ZNF605: variants seen among roughly 807,000 people sequenced by gnomAD.
The protein encoded by ZNF605 is zinc finger protein 605.
ZNF605 carries 9 observed loss-of-function variants against 7.9 expected under a neutral mutation model. The ratio of observed to expected loss-of-function variants is 1.14; its 90% CI spans 0.68 to 1.98. The LOEUF (loss-of-function observed/expected upper bound fraction) is 1.98. Among genes scored for constraint, ZNF605 ranks in the 30% most tolerant of loss-of-function variants. The pLI is 0.00. For missense variants in ZNF605, 673 were observed against 762.4 expected, an observed-to-expected ratio of 0.88 and a Z score of 1.38; for synonymous variants, 255 against 260.1, an observed-to-expected ratio of 0.98 and a Z score of 0.19.
At chr12:132,954,208 T>A (rs1299438106) in intron 1 of ZNF605, among the ~76,000 whole-genome samples, 1 of 150,146 alleles carries the variant, frequency 6.7e-6, no homozygotes, top group African/African-American at 2.5e-5. Context: ...ACAGGGCTTT[T>A]AAATACAGAT....
rs1952248513 is a variant in ZNF605, at chr12:132,926,438, C to T, written c.861G>A (p.Gly287=). ...IEKPYSCSEC[G]KAFSQKLKLI... Reference sequence around the variant, plus strand: ...GTTTTAATTTCTGGGAGAATGCTTTCCCACACTCACTGCAACTGTAGGGTT... The same window carrying T: ...GTTTTAATTTCTGGGAGAATGCTTTTCCACACTCACTGCAACTGTAGGGTT... Residue 287 remains glycine (G), a synonymous_variant, in exon 5 of 5, where the codon GGG becomes GGA. Coordinates refer to ENST00000360187, the MANE Select transcript of ZNF605 (RefSeq NM_183238.4). The T allele has an allele frequency of 3.1e-6, 5 of 1,614,042 alleles. No homozygotes were observed. The South Asian group carries it at 5.5e-5, about 18-fold the overall frequency.
intron 3 of ZNF605, among the ~76,000 whole-genome samples, chr12:132,942,827 G>A (rs997924693): frequency 5.3e-5 from 8 of 152,334 alleles, no homozygotes; most frequent in Non-Finnish European, 8.8e-5. Flanking sequence ...GCTGTGGGGC[G>A]TCTTTCCTGG....
chr12:132,940,341 A>C (rs12306863), intron 3 of ZNF605, among the ~76,000 whole-genome samples: 22,647 of 152,190 alleles, frequency 0.15, 2,134 homozygotes, highest in South Asian at 0.25. Context: ...AACTCCTCTG[A>C]GGAAGCTGGC....
chr12:132,935,328 G>A (rs1273677193), intron 3 of ZNF605, among the ~76,000 whole-genome samples: 1 of 152,126 alleles, frequency 6.6e-6, no homozygotes, highest in East Asian at 1.9e-4. Context: ...TGCCTCAAAT[G>A]TTAGTGTTAC....
rs969652893 is a variant in ZNF605 at position 132,927,805 on chromosome 12, C to T, written c.137-643G>A. ...CTGAGTAGCTGAGACTACAGGTGTG[C>T]GCCATCACACTTGGCTAATTTTTGT... On this transcript the variant is annotated intron_variant, in intron 4 of 4. Coordinates refer to ENST00000360187, the MANE Select transcript of ZNF605 (RefSeq NM_183238.4). 1.3e-3 allele frequency among the ~76,000 whole-genome samples: 199 copies of T among 151,700 alleles called. 1 individual carries two copies. The highest frequency in any genetic ancestry group is 7.1e-3 in the South Asian group (34 of 4,800).
rs549965383 is a variant in ZNF605 at position 132,922,313 on chromosome 12, T to C, written c.*3060A>G. On this transcript the variant is annotated 3_prime_UTR_variant, in exon 5 of 5. Transcript: ENST00000360187. ...AACCCAGAGGTAGTAAAAGACTTCA[T>C]AAGTCTTTCTATTACTGAAGAGGAG... 1.3e-5 allele frequency: 2 copies of C among 152,352 alleles called. No homozygotes were observed. The highest frequency in any genetic ancestry group is 6.5e-5 in the Admixed American group (1 of 15,298). The allele number at this position is 152,352 out of a possible 1,614,324, so 9.4% of individuals were successfully genotyped here.
At chr12:132,949,936 C>T (rs1333614944) in intron 1 of ZNF605, among the ~76,000 whole-genome samples, 2 of 152,122 alleles carry the variant, frequency 1.3e-5, no homozygotes, top group Admixed American at 6.6e-5. Context: ...GAAGGGTTTG[C>T]GGCTCGAGGC....
At chr12:132,948,888 G>C (rs1410475951) in intron 1 of ZNF605, among the ~76,000 whole-genome samples, 3 of 152,014 alleles carry the variant, frequency 2.0e-5, no homozygotes, top group Non-Finnish European at 4.4e-5. Context: ...CACCTGCAGG[G>C]CCCAGGAGGC....
intron 4 of ZNF605, 90 bp from the exon 5 acceptor site, chr12:132,927,252 A>C: frequency 1.1e-6 from 1 of 939,018 alleles, no homozygotes; most frequent in Non-Finnish European, 1.5e-6. Flanking sequence ...CCATAATCCC[A>C]GTTTTTAAAA....
intron 1 of ZNF605, among the ~76,000 whole-genome samples, chr12:132,951,620 TCA>T (rs749762083): frequency 4.5e-5 from 6 of 134,802 alleles, no homozygotes; most frequent in African/African-American, 1.6e-4. Context: ...CACGTTCGTA[TCA>T]CAGACACGTA....
intron 1 of ZNF605, among the ~76,000 whole-genome samples, chr12:132,951,674 A>G (rs1192879860): frequency 7.8e-6 from 1 of 127,410 alleles, no homozygotes; most frequent in African/African-American, 3.7e-5. Flanking sequence ...TAACATACAC[A>G]GACATGCACA....
In ZNF605 at chr12:132,918,692, C is replaced by T. The variant is rs1324711925; in HGVS notation, c.*6681G>A. 1.3e-5 allele frequency: 2 copies of T among 152,280 alleles called. No individual in the cohort carries two copies. The allele number at this position is 152,280 out of a possible 1,614,324, so 9.4% of individuals were successfully genotyped here. A position where few individuals can be genotyped will look rare whatever the true frequency, so the allele number is the denominator to read the frequency against. ...AACTCCTGGGTTCATGTGATTTGCC[C>T]ACCTCAGCCTCCCGAGCAGCTGGGT... On this transcript the variant is annotated 3_prime_UTR_variant, in exon 5 of 5. Coordinates refer to ENST00000360187, the MANE Select transcript of ZNF605 (RefSeq NM_183238.4).
chr12:132,946,776 CT>C (rs1952498053), intron 2 of ZNF605, among the ~76,000 whole-genome samples: 1 of 152,186 alleles, frequency 6.6e-6, no homozygotes, highest in Admixed American at 6.5e-5. Context: ...CAGGTCTACC[CT>C]CTGTCCTGGG....
intron 1 of ZNF605, among the ~76,000 whole-genome samples, chr12:132,955,117 G>A (rs1952622566): frequency 6.6e-6 from 1 of 152,172 alleles, no homozygotes; most frequent in East Asian, 1.9e-4. Context: ...AAAAAGACGC[G>A]GAAGAGGGTT....
At position 132,933,460 on chromosome 12, in the gene ZNF605, T is replaced by C. The variant is rs1030522737; in HGVS notation, c.16-305A>G. On this transcript the variant is annotated intron_variant, in intron 3 of 4. Coordinates refer to ENST00000360187, the MANE Select transcript of ZNF605 (RefSeq NM_183238.4). The surrounding 1 kb of genome is among the most constrained non-coding windows in gnomAD (Gnocchi z 4.4). ...TGGCTGCTGTGTTGTAAGGCCGCCA[T>C]GTGGAAGCTCATGTGCCGTGGAACT... Among the ~76,000 whole-genome samples, 2 of 152,226 alleles carry C rather than the reference T, an allele frequency of 1.3e-5. No homozygotes were observed. Among genetic ancestry groups the C allele is most frequent in the African/African-American group, 2.4e-5 (1 of 41,456 alleles).
intron 3 of ZNF605, among the ~76,000 whole-genome samples, chr12:132,942,622 C>T (rs1279302758): frequency 6.6e-6 from 1 of 152,200 alleles, no homozygotes; most frequent in East Asian, 1.9e-4. Flanking sequence ...GCGTGCCCGG[C>T]TGGGGCACCT....
Position 132,942,994 on chromosome 12 carries a change from G to A in ZNF605, c.15+2627C>T, listed in dbSNP as rs376105681. 1.2e-4 allele frequency among the ~76,000 whole-genome samples: 19 copies of A among 152,244 alleles called. No individual in the cohort carries two copies. In the East Asian group the frequency reaches 2.9e-3, roughly 23 times the overall value. On this transcript the variant is annotated intron_variant, in intron 3 of 4. Transcript: ENST00000360187. ...CAAAGTCTGACCTATTGGGGTCCATGATGAGGTAGCCTGTTTCACACTTAG... is the reference window on the plus strand; with the variant it reads ...CAAAGTCTGACCTATTGGGGTCCATAATGAGGTAGCCTGTTTCACACTTAG...
chr12:132,954,289 C>G (rs1444062035), intron 1 of ZNF605, among the ~76,000 whole-genome samples: 1 of 143,768 alleles, frequency 7.0e-6, no homozygotes, highest in Non-Finnish European at 1.5e-5. Flanking sequence ...ACCCCAAACT[C>G]TGAGTCCCAA....
intron 3 of ZNF605, chr12:132,945,295 G>T: frequency 4.6e-6 from 4 of 879,074 alleles, no homozygotes; most frequent in Non-Finnish European, 7.5e-6. Flanking sequence ...AATCTACTTT[G>T]TGCTTCTTTG....
Sources: allele counts gnomAD v4.1 joint callset (sites outside exome capture counted in the v4.1 genomes callset), GRCh38; gene constraint gnomAD v4.1.1; non-coding constraint Gnocchi (gnomAD v3.1); transcripts MANE v1.5; gene names NCBI Gene and HGNC (gene_info 2026-07-23, HGNC 2026-07-21).